The following TRAPPC9 variants were observed in gnomAD, a reference collection of about 807,000 sequenced individuals.
TRAPPC9 encodes the protein trafficking protein particle complex subunit 9.
A neutral mutation model predicts 124.0 loss-of-function variants in TRAPPC9; 83 were observed. The ratio of observed to expected loss-of-function variants is 0.67; its 90% CI spans 0.56 to 0.80. The LOEUF is 0.80. TRAPPC9 is among the 30% of genes least tolerant of loss of function. The probability of loss-of-function intolerance (pLI) is 0.00; values close to 1 mark genes in which losing one functional copy is unlikely to be tolerated. For missense variants in TRAPPC9, 1,302 were observed against 1,508.3 expected (o/e 0.86, Z 2.27); for synonymous variants, 638 against 617.5 (o/e 1.03, Z -0.49).
intron 18 of TRAPPC9, among the ~76,000 whole-genome samples, chr8:139,992,496 A>T (rs1343323051): frequency 2.0e-5 from 3 of 152,046 alleles, no homozygotes. Flanking sequence ...GGGATGCTCA[A>T]CCCACGTTAT....
In TRAPPC9 at chr8:140,300,602, T is replaced by C. The variant is rs1339566397; in HGVS notation, c.1635A>G (p.Leu545=). The part of the protein sequence containing the change: ...TKLPIVRHVK[L]LNLPASLRPH... ...GCCGGAGGCTAGCAGGAAGGTTCAA[T>C]AGTTTCACATGCCTGTTGTTTCAAA... The change falls in exon 11 of 23, where the codon CTA becomes CTG. Residue 545 remains leucine (L), a synonymous_variant. Coordinates refer to ENST00000438773, the MANE Select transcript of TRAPPC9 (RefSeq NM_001160372.4). The C allele has an allele frequency of 3.7e-6, 6 of 1,614,244 alleles. No homozygotes were observed. The highest frequency in any genetic ancestry group is 2.2e-5 in the South Asian group (2 of 91,088).
Position 140,104,673 on chromosome 8 carries a change from C to A in TRAPPC9, c.2557-80594G>T, listed in dbSNP as rs539977103. 2.0e-5 allele frequency among the ~76,000 whole-genome samples: 3 copies of A among 152,280 alleles called. No homozygotes were observed. Among genetic ancestry groups the A allele is most frequent in the Middle Eastern group, 3.4e-3 (1 of 294 alleles). ...CACACACAGGTGCTGTAAAAAGCTA[C>A]GACACACACCCTCCTGGGGGTGCCA... On this transcript the variant is annotated intron_variant, in intron 17 of 22. Coordinates refer to ENST00000438773, the MANE Select transcript of TRAPPC9 (RefSeq NM_001160372.4). The surrounding 1 kb of genome is among the most constrained non-coding windows in gnomAD (Gnocchi z 4.0).
chr8:140,263,941 A>AAACTGAAGCAGAGATCAGAGG (rs1373802066), intron 15 of TRAPPC9, among the ~76,000 whole-genome samples: 1 of 152,140 alleles, frequency 6.6e-6, no homozygotes, highest in Non-Finnish European at 1.5e-5. Flanking sequence ...CTTGATGTGA[A>AAACTGAAGCAGAGATCAGAGG]AACTGAAGCA....
At chr8:140,419,695 C>T (rs1475847528) in intron 5 of TRAPPC9, among the ~76,000 whole-genome samples, 1 of 151,484 alleles carries the variant, frequency 6.6e-6, no homozygotes, top group South Asian at 2.1e-4. Context: ...ACCATCCTGG[C>T]TAACACGGTG....
chr8:140,023,978 C>T lies in TRAPPC9; in HGVS notation c.2658G>A (p.Pro886=), dbSNP rs150252117. The T allele has an allele frequency of 2.4e-4, 387 of 1,614,082 alleles. 1 individual carries two copies. Among genetic ancestry groups the T allele is most frequent in the Admixed American group, 1.1e-3 (67 of 60,012 alleles). The change falls in exon 18 of 23, where the codon CCG becomes CCA. Residue 886 remains proline (P), a synonymous_variant. Coordinates refer to ENST00000438773, the MANE Select transcript of TRAPPC9 (RefSeq NM_001160372.4). The stretch of plus-strand genomic sequence containing the variant: ...TGCTGACTCGGGTGAAAAATACAGA[C>T]GGCTCGACTTCTACATGCAGCCCCA... ...LSLGLHVEVE[P]SVFFTRVSTL... is the part of the protein sequence containing the mutation.
At chr8:140,341,396 C>T (rs1003827603) in intron 9 of TRAPPC9, among the ~76,000 whole-genome samples, 12 of 152,128 alleles carry the variant, frequency 7.9e-5, no homozygotes, top group African/African-American at 2.9e-4. Context: ...GCTGCCTGTT[C>T]CCATTCATGC....
chr8:140,128,988 C>CAT (rs111502084), intron 17 of TRAPPC9, among the ~76,000 whole-genome samples: 6,596 of 134,696 alleles, frequency 0.049, 210 homozygotes, highest in African/African-American at 0.076. Context: ...TATATATATA[C>CAT]ATATATATAT....
chr8:140,372,970 C>T (rs900298108), intron 7 of TRAPPC9, among the ~76,000 whole-genome samples: 4 of 152,204 alleles, frequency 2.6e-5, no homozygotes, highest in Admixed American at 6.5e-5. Flanking sequence ...AATGCCTTCA[C>T]GGGCATGCCA....
chr8:140,291,730 G>T (rs549362944), intron 11 of TRAPPC9, among the ~76,000 whole-genome samples: 7 of 152,232 alleles, frequency 4.6e-5, no homozygotes, highest in Non-Finnish European at 7.3e-5. Flanking sequence ...CAAAAGGAAG[G>T]TTGTCCTGAA....
intron 16 of TRAPPC9, among the ~76,000 whole-genome samples, chr8:140,248,715 T>C (rs2064046449): frequency 6.6e-6 from 1 of 152,202 alleles, no homozygotes; most frequent in Non-Finnish European, 1.5e-5. Context: ...AAATCAGAGA[T>C]TTCAAGTATT....
At chr8:140,215,160 T>C (rs1181126430) in intron 17 of TRAPPC9, among the ~76,000 whole-genome samples, 1 of 152,160 alleles carries the variant, frequency 6.6e-6, no homozygotes, top group East Asian at 1.9e-4. Flanking sequence ...TGCACAGGTT[T>C]GAAATCCACC....
At chr8:140,226,724 G>C (rs2131350831) in intron 16 of TRAPPC9, among the ~76,000 whole-genome samples, 1 of 151,570 alleles carries the variant, frequency 6.6e-6, no homozygotes, top group South Asian at 2.1e-4. Context: ...ATGAACCTTA[G>C]TTTTCTTGGC....
At chr8:139,769,943 A>C (rs1586806523) in intron 21 of TRAPPC9, among the ~76,000 whole-genome samples, 1 of 152,176 alleles carries the variant, frequency 6.6e-6, no homozygotes, top group Admixed American at 6.5e-5. Context: ...GACACTTGTG[A>C]CCCTAGCTCC....
rs148126018 is a variant in TRAPPC9, at chr8:140,075,559, G to A, written c.2557-51480C>T. The stretch of plus-strand genomic sequence containing the variant: ...GCACCATGGAACTGCCTTCGCTGCC[G>A]CCATATAAGTAGCTAGCCAGTGTCA... On this transcript the variant is annotated intron_variant, in intron 17 of 22. Coordinates refer to ENST00000438773, the MANE Select transcript of TRAPPC9 (RefSeq NM_001160372.4). Among the ~76,000 whole-genome samples the A allele has an allele frequency of 2.6e-3, 403 of 152,292 alleles. 1 individual carries two copies. The highest frequency in any genetic ancestry group is 6.9e-3 in the African/African-American group (285 of 41,552).
At chr8:140,361,981 C>T (rs1467788404) in intron 8 of TRAPPC9, among the ~76,000 whole-genome samples, 2 of 152,148 alleles carry the variant, frequency 1.3e-5, no homozygotes, top group African/African-American at 2.4e-5. Flanking sequence ...AGGGTTCCAC[C>T]GCTCACAGCC....
chr8:140,072,617 GA>G (rs1843253378), intron 17 of TRAPPC9, among the ~76,000 whole-genome samples: 1 of 149,852 alleles, frequency 6.7e-6, no homozygotes, highest in East Asian at 2.0e-4. Flanking sequence ...GGAGGAGGAG[GA>G]GGAGGAGCGG....
rs74443018 is a variant in TRAPPC9, at chr8:140,447,321, A to T, written c.584+3469T>A. The stretch of plus-strand genomic sequence containing the variant: ...TTTTAAAAAAATGAAAAGACTATCC[A>T]GTTAACATATAGATTTAGACAGCAG... On this transcript the variant is annotated intron_variant, in intron 2 of 22. Coordinates refer to ENST00000438773, the MANE Select transcript of TRAPPC9 (RefSeq NM_001160372.4). Among the ~76,000 whole-genome samples, 18 of 152,322 alleles carry T rather than the reference A, an allele frequency of 1.2e-4. No homozygotes were observed. In the East Asian group the frequency reaches 3.5e-3, roughly 29 times the overall value.
chr8:140,435,318 C>T, intron 3 of TRAPPC9, 78 bp from the exon 4 acceptor site: 1 of 1,551,346 alleles, frequency 6.4e-7, no homozygotes, highest in Non-Finnish European at 8.8e-7. Flanking sequence ...GTCAGTGACC[C>T]TTCATTAGCT....
At chr8:140,076,264 C>T (rs946599782) in intron 17 of TRAPPC9, among the ~76,000 whole-genome samples, 2 of 152,160 alleles carry the variant, frequency 1.3e-5, no homozygotes, top group Admixed American at 6.5e-5. Flanking sequence ...GCCAAAATGG[C>T]ACCCCGGAGA....
Sources: gnomAD v4.1 joint callset for allele counts (sites outside exome capture counted in the v4.1 genomes callset) on GRCh38, gnomAD v4.1.1 for gene constraint, Gnocchi (gnomAD v3.1) non-coding constraint, MANE v1.5 for transcripts, NCBI Gene and HGNC (gene_info 2026-07-23, HGNC 2026-07-21) for gene names.